The following PUF60 variants were observed in gnomAD, a reference collection of about 807,000 sequenced individuals.
The protein encoded by PUF60 is poly(U) binding splicing factor 60, also known as poly(U)-binding-splicing factor PUF60.
PUF60 carries 10 observed loss-of-function variants against 61.8 expected under a neutral mutation model. The observed-to-expected ratio is 0.16, with a 90% CI of 0.10 to 0.27. The LOEUF (loss-of-function observed/expected upper bound fraction) is 0.27, where lower values mean the gene tolerates loss of function less well. PUF60 is among the 10% of genes least tolerant of loss of function. The pLI is 1.00. For synonymous variants in PUF60, 353 were observed against 300.9 expected (o/e 1.17, Z -1.79); for missense variants, 371 against 754.0 (o/e 0.49, Z 5.95).
chr8:143,822,245 C>T (rs1463628395), intron 2 of PUF60, among the ~76,000 whole-genome samples: 2 of 152,148 alleles, frequency 1.3e-5, no homozygotes, highest in Non-Finnish European at 2.9e-5. Context: ...CCCAGAGCTG[C>T]TATCACATGC....
intron 2 of PUF60, 61 bp downstream of exon 2, chr8:143,824,252 A>AGGCGGGCGGGCG (rs574616059): frequency 1.8e-5 from 26 of 1,471,696 alleles, no homozygotes; most frequent in African/African-American, 2.8e-5. Context: ...ACGCACAGGC[A>AGGCGGGCGGGCG]GGCGGGCGGG....
chr8:143,825,556 T>C (rs1422745163), intron 1 of PUF60, among the ~76,000 whole-genome samples: 1 of 151,902 alleles, frequency 6.6e-6, no homozygotes, highest in Non-Finnish European at 1.5e-5. Flanking sequence ...AGGGTCTGGC[T>C]CTGTTGCCCA....
In PUF60 at chr8:143,817,790, C is replaced by T. The variant is rs112143750; in HGVS notation, c.818-8G>A. On this transcript the variant is annotated splice_polypyrimidine_tract_variant and splice_region_variant and intron_variant, in intron 8 of 11. Transcript: ENST00000526683. This position sits in a 1 kb window ranked among gnomAD's most constrained non-coding sequence, Gnocchi z 7.4. Reference sequence around the variant, plus strand: ...ACTGGGCCTTCTCGTACTCTGTGGGCAGGAGCAGCAGTGAGCAGGGCCAGC... The same window carrying T: ...ACTGGGCCTTCTCGTACTCTGTGGGTAGGAGCAGCAGTGAGCAGGGCCAGC... 102 of 1,608,624 alleles carry T rather than the reference C, an allele frequency of 6.3e-5. 1 individual carries two copies. Among genetic ancestry groups the T allele is most frequent in the Admixed American group, 3.0e-4 (18 of 59,040 alleles).
chr8:143,818,205 GC>G lies in PUF60; in HGVS notation c.590del (p.Gly197AlafsTer12). 1.9e-6 allele frequency: 3 copies of G among 1,610,752 alleles called. No homozygotes were observed. On this transcript the variant is annotated frameshift_variant, in exon 7 of 12. Coordinates refer to ENST00000526683, the MANE Select transcript of PUF60 (RefSeq NM_078480.3). LOFTEE classifies it high-confidence loss of function. The surrounding 1 kb of genome is among the most constrained non-coding windows in gnomAD (Gnocchi z 7.9). ...CTCCCTGCCTCACCTTGATGTTCCTGCCCCCCAGCATCACCGAGTTCATCTG... is the reference window on the plus strand; with the variant it reads ...CTCCCTGCCTCACCTTGATGTTCCTGCCCCCAGCATCACCGAGTTCATCTG... Reference protein sequence around the residue: ...LEQMNSVMLGGRNIKVGRPSN... With the variant: ...LEQMNSVMLGXRNIKVGRPSN...
Position 143,818,817 on chromosome 8 carries a change from G to A in PUF60, c.349-283C>T, listed in dbSNP as rs1292085762. 3 of 492,036 alleles carry A rather than the reference G, an allele frequency of 6.1e-6. No homozygotes were observed. Among genetic ancestry groups the A allele is most frequent in the African/African-American group, 5.8e-5 (3 of 51,524 alleles). The allele number at this position is 492,036 out of a possible 1,614,324, so 30.5% of individuals were successfully genotyped here. On this transcript the variant is annotated intron_variant, in intron 5 of 11. Transcript: ENST00000526683. The surrounding 1 kb of genome is among the most constrained non-coding windows in gnomAD (Gnocchi z 7.9). ...AAGCCGACAGATGGTCAGGAGGCAG[G>A]GCTGTGCGCCCTCCCACCCAGACCA...
chr8:143,821,546 G>A, intron 4 of PUF60, 51 bp downstream of exon 4: 2 of 1,420,156 alleles, frequency 1.4e-6, no homozygotes, highest in Non-Finnish European at 1.9e-6. Flanking sequence ...TGAAGAGGAG[G>A]AGATGGTGGC....
chr8:143,823,341 C>T (rs1455257617), intron 2 of PUF60: 1 of 152,962 alleles, frequency 6.5e-6, no homozygotes. Context: ...ACAGCTGGCC[C>T]CAAGCCCATT....
rs368018307 is a variant in PUF60, at chr8:143,816,961, C to G, written c.1329G>C (p.Ser443=). The part of the protein sequence containing the change: ...MLSEQEHMSI[S]GSSARHMVMQ... Reference sequence around the variant, plus strand: ...TCACCATGTGTCGGGCGCTACTGCCCGAGATGCTCATGTGCTCCTGCTCGC... The same window carrying G: ...TCACCATGTGTCGGGCGCTACTGCCGGAGATGCTCATGTGCTCCTGCTCGC... Residue 443 remains serine, a synonymous_variant, in exon 11 of 12, where the codon TCG becomes TCC. Transcript: ENST00000526683. 2.0e-4 allele frequency: 321 copies of G among 1,599,350 alleles called. 3 individuals carry two copies. Among genetic ancestry groups the G allele is most frequent in the South Asian group, 1.6e-3 (142 of 89,248 alleles).
intron 2 of PUF60, 53 bp downstream of exon 2, chr8:143,824,260 G>A (rs533036186): frequency 1.2e-5 from 18 of 1,497,350 alleles, no homozygotes; most frequent in Middle Eastern, 4.7e-4. Flanking sequence ...GCAGGCGGGC[G>A]GGCGGGCGGG....
At position 143,818,785 on chromosome 8, in the gene PUF60, G is replaced by C. The variant is rs1272351736; in HGVS notation, c.349-251C>G. 2 of 542,140 alleles carry C rather than the reference G, an allele frequency of 3.7e-6. No homozygotes were observed. Among genetic ancestry groups the C allele is most frequent in the Non-Finnish European group, 6.5e-6 (2 of 307,200 alleles). 33.6% of individuals were successfully genotyped at this position (542,140 alleles called of 1,614,324 possible). On this transcript the variant is annotated intron_variant, in intron 5 of 11. Coordinates refer to ENST00000526683, the MANE Select transcript of PUF60 (RefSeq NM_078480.3). The surrounding 1 kb of genome is among the most constrained non-coding windows in gnomAD (Gnocchi z 7.9). ...CCCGCCAAGGTCCCAGGCAGACTGC[G>C]GCAGCAAAGCCGACAGATGGTCAGG...
At chr8:143,826,543 C>T (rs1353454015) in intron 1 of PUF60, among the ~76,000 whole-genome samples, 1 of 152,096 alleles carries the variant, frequency 6.6e-6, no homozygotes, top group African/African-American at 2.4e-5. Flanking sequence ...GGTGAAACCC[C>T]ATCTCTACTA....
At chr8:143,820,026 G>A (rs1420380778) in intron 5 of PUF60, among the ~76,000 whole-genome samples, 1 of 152,200 alleles carries the variant, frequency 6.6e-6, no homozygotes, top group African/African-American at 2.4e-5. Context: ...ATGGGACCTG[G>A]CCTCCTCCTG....
intron 1 of PUF60, among the ~76,000 whole-genome samples, chr8:143,825,320 C>A (rs1817517995): frequency 6.6e-6 from 1 of 152,210 alleles, no homozygotes; most frequent in Admixed American, 6.5e-5. Context: ...GGTCCTTCAG[C>A]CTCCAGAGGA....
chr8:143,821,411 G>A lies in PUF60; in HGVS notation c.297+186C>T, dbSNP rs1817005880. 15 of 618,790 alleles carry A rather than the reference G, an allele frequency of 2.4e-5. No individual in the cohort carries two copies. In the South Asian group the frequency reaches 2.9e-4, roughly 12 times the overall value. 38.3% of individuals were successfully genotyped at this position (618,790 alleles called of 1,614,324 possible). Reference sequence around the variant, plus strand: ...GCTTTAGGGGCTCCAGCGAGCAACAGGTGGGAAAGGCTGGGCCACTCGTGC... The same window carrying A: ...GCTTTAGGGGCTCCAGCGAGCAACAAGTGGGAAAGGCTGGGCCACTCGTGC... On this transcript the variant is annotated intron_variant, in intron 4 of 11. Transcript: ENST00000526683.
At position 143,818,688 on chromosome 8, in the gene PUF60, T is replaced by C. The variant is rs1816665764; in HGVS notation, c.349-154A>G. 10 of 836,196 alleles carry C rather than the reference T, an allele frequency of 1.2e-5. No individual in the cohort carries two copies. The Admixed American group carries it at 2.4e-4, about 20-fold the overall frequency. The allele number at this position is 836,196 out of a possible 1,614,324, so 51.8% of individuals were successfully genotyped here. A position where few individuals can be genotyped will look rare whatever the true frequency, so the allele number is the denominator to read the frequency against. On this transcript the variant is annotated intron_variant, in intron 5 of 11. Coordinates refer to ENST00000526683, the MANE Select transcript of PUF60 (RefSeq NM_078480.3). The surrounding 1 kb of genome is among the most constrained non-coding windows in gnomAD (Gnocchi z 7.9). ...GCGGGCTCCATCCCTGCAGTCATAGTGTGGGGGTCGCAGGACCCCGCCACC... is the reference window on the plus strand; with the variant it reads ...GCGGGCTCCATCCCTGCAGTCATAGCGTGGGGGTCGCAGGACCCCGCCACC...
intron 1 of PUF60, among the ~76,000 whole-genome samples, chr8:143,825,450 A>G (rs1210203415): frequency 6.6e-6 from 1 of 152,034 alleles, no homozygotes; most frequent in Non-Finnish European, 1.5e-5. Context: ...CACGCTGCCT[A>G]AACACTGCAC....
chr8:143,825,124 A>C (rs1332542459), intron 1 of PUF60: 5 of 152,324 alleles, frequency 3.3e-5, no homozygotes, highest in African/African-American at 1.2e-4. Flanking sequence ...GAGATGATGG[A>C]AGGGCCTTGA....
chr8:143,827,530 A>G (rs966921905), intron 1 of PUF60: 4 of 447,806 alleles, frequency 8.9e-6, no homozygotes, highest in African/African-American at 2.0e-5. Context: ...TCAACCTCCC[A>G]TGAGAGCTGA....
chr8:143,821,588 G>A lies in PUF60; in HGVS notation c.297+9C>T, dbSNP rs1028726810. The A allele has an allele frequency of 2.3e-5, 35 of 1,539,730 alleles. No homozygotes were observed. Among genetic ancestry groups the A allele is most frequent in the Middle Eastern group, 2.3e-4 (1 of 4,420 alleles). On this transcript the variant is annotated intron_variant, in intron 4 of 11. Transcript: ENST00000526683. ...GGGGAGGGCGGTAGAGGCTCCGGCC[G>A]GGGCTCACCTGCAGGTTGGTGAGCT...
Sources: gnomAD v4.1 joint callset for allele counts (sites outside exome capture counted in the v4.1 genomes callset) on GRCh38, gnomAD v4.1.1 for gene constraint, Gnocchi (gnomAD v3.1) non-coding constraint, MANE v1.5 for transcripts, NCBI Gene and HGNC (gene_info 2026-07-23, HGNC 2026-07-21) for gene names.